The following KLC1 variants were observed in gnomAD, a reference collection of about 807,000 sequenced individuals.
KLC1 encodes the protein kinesin 2 60/70kDa.
Under a neutral mutation model 84.2 loss-of-function variants are expected in KLC1, and 30 were observed. That is an observed-to-expected ratio of 0.36 (90% CI 0.27 to 0.48). KLC1 has a LOEUF of 0.48. KLC1 is among the 20% of genes least tolerant of loss of function. KLC1 has a pLI of 0.99. For synonymous variants in KLC1, 289 were observed against 293.3 expected, an observed-to-expected ratio of 0.99 and a Z score of 0.15; for missense variants, 499 against 805.4, an observed-to-expected ratio of 0.62 and a Z score of 4.60.
rs1448309472 is a variant in KLC1 at position 103,701,442 on chromosome 14, T to C, written c.*243T>C. The stretch of plus-strand genomic sequence containing the variant: ...GGTCTCTCCCAGGAGACCTGGGGCA[T>C]GAGCTGGGCCCACGGCTCCCTTCCC... On this transcript the variant is annotated 3_prime_UTR_variant, in exon 17 of 17. Transcript: ENST00000334553. 3 of 447,180 alleles carry C rather than the reference T, an allele frequency of 6.7e-6. No individual in the cohort carries two copies. The highest frequency in any genetic ancestry group is 1.2e-5 in the Non-Finnish European group (3 of 248,644). The allele number at this position is 447,180 out of a possible 1,614,324, so 27.7% of individuals were successfully genotyped here. A position where few individuals can be genotyped will look rare whatever the true frequency, so the allele number is the denominator to read the frequency against.
At chr14:103,680,955 TGGACTC>T (rs1187277607) in intron 13 of KLC1, among the ~76,000 whole-genome samples, 2 of 152,188 alleles carry the variant, frequency 1.3e-5, no homozygotes, top group Non-Finnish European at 2.9e-5. Context: ...ATCTTAAAGA[TGGACTC>T]GGAGAGGAAG....
intron 1 of KLC1, among the ~76,000 whole-genome samples, chr14:103,651,611 A>G (rs1017748670): frequency 7.9e-5 from 12 of 152,148 alleles, no homozygotes; most frequent in Non-Finnish European, 1.3e-4. Context: ...TGGCACGTGT[A>G]CTTAACATCT....
chr14:103,685,550 A>G, intron 13 of KLC1: 2 of 1,288,776 alleles, frequency 1.6e-6, no homozygotes. Flanking sequence ...TGACCTAGAA[A>G]TACTGTAAGC....
chr14:103,683,695 C>G (rs2081553569), intron 13 of KLC1: 1 of 152,200 alleles, frequency 6.6e-6, no homozygotes, highest in African/African-American at 2.4e-5. Context: ...CCAGCTGCAC[C>G]ACCTTTGTCT....
At chr14:103,649,604 G>C (rs1478501516) in intron 1 of KLC1, among the ~76,000 whole-genome samples, 2 of 145,816 alleles carry the variant, frequency 1.4e-5, no homozygotes, top group South Asian at 4.4e-4. Flanking sequence ...AGGTTTACTT[G>C]AATCCTGAGA....
intron 1 of KLC1, among the ~76,000 whole-genome samples, chr14:103,641,026 G>A (rs754312754): frequency 6.6e-6 from 1 of 151,974 alleles, no homozygotes; most frequent in Non-Finnish European, 1.5e-5. Flanking sequence ...CTGGGTTCCA[G>A]CAATTCTCCT....
chr14:103,686,003 A>T (rs2081753755), intron 13 of KLC1: 1 of 1,092,284 alleles, frequency 9.2e-7, no homozygotes, highest in Non-Finnish European at 1.1e-6. Flanking sequence ...CTGTTGACGT[A>T]ACTAAGCCTT....
At chr14:103,669,629 A>T (rs12896171) in intron 6 of KLC1, 31 bp downstream of exon 6, 1 of 1,377,070 alleles carries the variant, frequency 7.3e-7, no homozygotes, top group Non-Finnish European at 1.0e-6. Flanking sequence ...CATTCTTTTA[A>T]TATTTTATTT....
rs376830146 is a variant in KLC1 at position 103,675,772 on chromosome 14, C to G, written c.1379+16C>G. The G allele has an allele frequency of 5.0e-6, 8 of 1,611,098 alleles. No homozygotes were observed. The African/African-American group carries it at 9.4e-5, about 19-fold the overall frequency. ...AAGTTGATAGGTATGTCTGGAATTG[C>G]GTTTGGCTGGAAAAACCAAAAAGCA... On this transcript the variant is annotated intron_variant, in intron 11 of 16. Coordinates refer to ENST00000334553, the MANE Select transcript of KLC1 (RefSeq NM_001394837.1).
Position 103,673,139 on chromosome 14 carries a change from A to T in KLC1, c.1113A>T (p.Thr371=). The stretch of plus-strand genomic sequence containing the variant: ...AAAGAGCCCTCGAGATCTACCAGAC[A>T]AAACTGGGACCTGATGACCCCAACG... The part of the protein sequence containing the change: ...YYQRALEIYQ[T]KLGPDDPNVA... Residue 371 remains threonine, a synonymous_variant, in exon 8 of 17, where the codon ACA becomes ACT. Transcript: ENST00000334553. 6.2e-7 allele frequency: 1 copy of T among 1,614,078 alleles called. No homozygotes were observed. The highest frequency in any genetic ancestry group is 8.5e-7 in the Non-Finnish European group (1 of 1,180,010).
chr14:103,696,086 C>A, intron 15 of KLC1: 3 of 844,274 alleles, frequency 3.6e-6, no homozygotes, highest in Non-Finnish European at 4.1e-6. Context: ...TCAAAATAAT[C>A]ACTGCGCCCC....
In KLC1 at chr14:103,694,470, T is replaced by C; in HGVS notation, c.1848+2045T>C. On this transcript the variant is annotated intron_variant, in intron 15 of 16. Transcript: ENST00000334553. This position sits in a 1 kb window ranked among gnomAD's most constrained non-coding sequence, Gnocchi z 4.5. ...ACATGGCGTTTCACTTTTTAAAAGCTTAAGCTTTATGGAATGAGGGAGCAC... is the reference window on the plus strand; with the variant it reads ...ACATGGCGTTTCACTTTTTAAAAGCCTAAGCTTTATGGAATGAGGGAGCAC... 3 of 985,478 alleles carry C rather than the reference T, an allele frequency of 3.0e-6. No individual in the cohort carries two copies. The highest frequency in any genetic ancestry group is 3.6e-6 in the Non-Finnish European group (3 of 829,966). 61.0% of individuals were successfully genotyped at this position (985,478 alleles called of 1,614,324 possible). A position where few individuals can be genotyped will look rare whatever the true frequency, so the allele number is the denominator to read the frequency against.
chr14:103,667,362 C>G (rs890293370), intron 5 of KLC1, among the ~76,000 whole-genome samples: 1 of 152,198 alleles, frequency 6.6e-6, no homozygotes, highest in Non-Finnish European at 1.5e-5. Flanking sequence ...CCGCCTCAGC[C>G]TCCCAGAGTG....
intron 2 of KLC1, among the ~76,000 whole-genome samples, chr14:103,656,440 T>C (rs146138595): frequency 6.6e-6 from 1 of 152,350 alleles, no homozygotes; most frequent in African/African-American, 2.4e-5. Context: ...TGATAACTTC[T>C]GGCTCTGTCA....
At chr14:103,690,635 GT>G (rs986509325) in intron 14 of KLC1, among the ~76,000 whole-genome samples, 4 of 18,940 alleles carry the variant, frequency 2.1e-4, no homozygotes, top group African/African-American at 3.4e-4. Context: ...CATGTTCGCT[GT>G]CCCATGTTGC....
chr14:103,684,969 A>C, intron 13 of KLC1: 1 of 927,938 alleles, frequency 1.1e-6, no homozygotes, highest in Non-Finnish European at 1.7e-6. Context: ...AACAAGTGTT[A>C]TTTTTCCATT....
chr14:103,659,216 C>T (rs942303737), intron 3 of KLC1, among the ~76,000 whole-genome samples: 5 of 152,162 alleles, frequency 3.3e-5, no homozygotes, highest in African/African-American at 7.2e-5. Flanking sequence ...CCCCCCGCCT[C>T]GGCCTCCCAA....
At position 103,678,537 on chromosome 14, in the gene KLC1, T is replaced by A. The variant is rs58995029; in HGVS notation, c.1489-847T>A. 9.1e-3 allele frequency among the ~76,000 whole-genome samples: 1,376 copies of A among 151,610 alleles called. 23 individuals carry two copies. The highest frequency in any genetic ancestry group is 0.029 in the South Asian group (140 of 4,800). On this transcript the variant is annotated intron_variant, in intron 12 of 16. Transcript: ENST00000334553. ...TTGTCTCTACAAAAGTTTTTTTTTTTAAATTAGCCAGGTGTGTTGGCCCAA... is the reference window on the plus strand; with the variant it reads ...TTGTCTCTACAAAAGTTTTTTTTTTAAAATTAGCCAGGTGTGTTGGCCCAA...
At chr14:103,639,465 CAG>C (rs1414706515) in intron 1 of KLC1, among the ~76,000 whole-genome samples, 2 of 151,640 alleles carry the variant, frequency 1.3e-5, no homozygotes, top group Admixed American at 6.6e-5. Flanking sequence ...TTTTTTGTGA[CAG>C]GGTTTCGCTG....
Sources: gnomAD v4.1 joint callset for allele counts (sites outside exome capture counted in the v4.1 genomes callset) on GRCh38, gnomAD v4.1.1 for gene constraint, Gnocchi (gnomAD v3.1) non-coding constraint, MANE v1.5 for transcripts, NCBI Gene and HGNC (gene_info 2026-07-23, HGNC 2026-07-21) for gene names.